Variants in PTPRA observed in about 807,000 individuals in gnomAD.
The protein encoded by PTPRA is receptor-type tyrosine-protein phosphatase alpha.
Under a neutral mutation model 104.8 loss-of-function variants are expected in PTPRA, and 25 were observed. That is an observed-to-expected ratio of 0.24 (90% confidence interval 0.17 to 0.33). The LOEUF is 0.33. Among genes scored for constraint, PTPRA ranks in the 10% least tolerant of loss-of-function variants. The probability of loss-of-function intolerance (pLI) is 1.00; values close to 1 mark genes in which losing one functional copy is unlikely to be tolerated. For synonymous variants in PTPRA, 323 were observed against 368.9 expected, an observed-to-expected ratio of 0.88 and a Z score of 1.43; for missense variants, 765 against 1,015.3, an observed-to-expected ratio of 0.75 and a Z score of 3.35.
In PTPRA at chr20:3,027,222, G is replaced by A; in HGVS notation, c.1785+25G>A. 3 of 1,604,496 alleles carry A rather than the reference G, an allele frequency of 1.9e-6. 1 individual carries two copies. In the South Asian group the frequency reaches 3.3e-5, roughly 18 times the overall value. ...TGTAAGTGGTGGGTGTGACCCCTGA[G>A]CCCCCAACACCCCGTGGAGATTCAG... On this transcript the variant is annotated intron_variant, in intron 19 of 23. Coordinates refer to ENST00000399903, the MANE Select transcript of PTPRA (RefSeq NM_001385305.1).
At position 3,027,152 on chromosome 20, in the gene PTPRA, G is replaced by A. The variant is rs550102749; in HGVS notation, c.1740G>A (p.Lys580=). ...YEFNRVIIPV[K]RGEENTDYVN... ...TCAACAGAGTGATCATTCCAGTTAA[G>A]CGGGGCGAAGAGAATACAGACTATG... is the stretch of plus-strand genomic sequence containing the variant. Residue 580 remains lysine (K), a synonymous_variant, in exon 19 of 24, where the codon AAG becomes AAA. Coordinates refer to ENST00000399903, the MANE Select transcript of PTPRA (RefSeq NM_001385305.1). The A allele has an allele frequency of 1.2e-6, 2 of 1,614,190 alleles. No homozygotes were observed. Among genetic ancestry groups the A allele is most frequent in the South Asian group, 2.2e-5 (2 of 91,086 alleles).
chr20:2,968,204 A>C (rs2062015717), intron 5 of PTPRA, among the ~76,000 whole-genome samples: 1 of 152,202 alleles, frequency 6.6e-6, no homozygotes. Context: ...AAATATCTTT[A>C]GGGCTGTGCA....
Position 2,950,336 on chromosome 20 carries a change from G to A in PTPRA, c.-7+2312G>A, listed in dbSNP as rs1323121563. Among the ~76,000 whole-genome samples the A allele has an allele frequency of 6.6e-6, 1 of 151,854 alleles. No homozygotes were observed. The highest frequency in any genetic ancestry group is 1.5e-5 in the Non-Finnish European group (1 of 67,980). ...TACTTCTGTAATTATTTCCACATTTGATTTATAATATTAACTTGTGGGCCA... is the reference window on the plus strand; with the variant it reads ...TACTTCTGTAATTATTTCCACATTTAATTTATAATATTAACTTGTGGGCCA... On this transcript the variant is annotated intron_variant, in intron 3 of 23. Transcript: ENST00000399903. This position sits in a 1 kb window ranked among gnomAD's most constrained non-coding sequence, Gnocchi z 4.0.
chr20:2,997,903 G>A (rs1476556449), intron 9 of PTPRA, among the ~76,000 whole-genome samples: 1 of 152,208 alleles, frequency 6.6e-6, no homozygotes, highest in East Asian at 1.9e-4. Context: ...GCCAATGCGG[G>A]AAGATTGAGG....
chr20:3,037,027 GT>G lies in PTPRA; in HGVS notation c.2199-126del. On this transcript the variant is annotated intron_variant, in intron 22 of 23. Coordinates refer to ENST00000399903, the MANE Select transcript of PTPRA (RefSeq NM_001385305.1). This position sits in a 1 kb window ranked among gnomAD's most constrained non-coding sequence, Gnocchi z 4.3. ...CCCGACCCAGAACCCCTCCAGGCTG[GT>G]GGGTCCACAGGGCAAAGGCGAGCAC... 6.8e-6 allele frequency: 9 copies of G among 1,326,942 alleles called. No homozygotes were observed. Among genetic ancestry groups the G allele is most frequent in the African/African-American group, 1.5e-5 (1 of 68,288 alleles). The allele number at this position is 1,326,942 out of a possible 1,614,324, so 82.2% of individuals were successfully genotyped here. A position where few individuals can be genotyped will look rare whatever the true frequency, so the allele number is the denominator to read the frequency against.
intron 2 of PTPRA, among the ~76,000 whole-genome samples, chr20:2,945,426 G>T (rs1475091242): frequency 1.3e-5 from 2 of 152,068 alleles, no homozygotes; most frequent in African/African-American, 4.8e-5. Flanking sequence ...TTGCTTTTAA[G>T]CAGGGCTGTA....
chr20:2,875,898 A>T lies in PTPRA; in HGVS notation c.-129+2138A>T, dbSNP rs9679857. On this transcript the variant is annotated intron_variant, in intron 1 of 23. Coordinates refer to ENST00000399903, the MANE Select transcript of PTPRA (RefSeq NM_001385305.1). ...CGGGGGGGCCTTCGGATCATGAAGG[A>T]TGCATAGGAGTTTGCGCGTGGTGGA... Among the ~76,000 whole-genome samples the T allele has an allele frequency of 9.5e-3, 1,453 of 152,198 alleles. 15 individuals carry two copies. Among genetic ancestry groups the T allele is most frequent in the African/African-American group, 0.033 (1,369 of 41,524 alleles).
intron 3 of PTPRA, among the ~76,000 whole-genome samples, chr20:2,957,567 A>C (rs937132446): frequency 2.0e-5 from 3 of 152,202 alleles, no homozygotes; most frequent in African/African-American, 7.2e-5. Flanking sequence ...GAAATTTTTC[A>C]TCTTCTTTGA....
intron 1 of PTPRA, among the ~76,000 whole-genome samples, chr20:2,915,324 C>A (rs1568651975): frequency 6.6e-6 from 1 of 152,118 alleles, no homozygotes; most frequent in African/African-American, 2.4e-5. Flanking sequence ...ATCTATTCAT[C>A]CAATAATGGG....
intron 2 of PTPRA, among the ~76,000 whole-genome samples, chr20:2,926,524 A>G (rs1441828854): frequency 1.3e-5 from 2 of 152,274 alleles, no homozygotes; most frequent in African/African-American, 2.4e-5. Flanking sequence ...ACTTGATCAT[A>G]TGCAAAAATC....
At chr20:2,885,576 A>G (rs1437890553) in intron 1 of PTPRA, among the ~76,000 whole-genome samples, 1 of 152,242 alleles carries the variant, frequency 6.6e-6, no homozygotes, top group African/African-American at 2.4e-5. Context: ...TACTAGGAAG[A>G]ACATATCATT....
At chr20:2,998,540 G>A (rs917902334) in intron 9 of PTPRA, among the ~76,000 whole-genome samples, 4 of 152,210 alleles carry the variant, frequency 2.6e-5, no homozygotes, top group African/African-American at 9.6e-5. Context: ...CAGAAAAGAT[G>A]CCCGCTGACA....
intron 1 of PTPRA, among the ~76,000 whole-genome samples, chr20:2,901,475 C>T (rs541004746): frequency 5.3e-5 from 8 of 152,200 alleles, no homozygotes; most frequent in African/African-American, 1.7e-4. Flanking sequence ...TTTATAGCTC[C>T]AGGGAAGGAG....
intron 1 of PTPRA, among the ~76,000 whole-genome samples, chr20:2,896,662 G>T (rs2059013322): frequency 2.0e-5 from 3 of 152,154 alleles, no homozygotes; most frequent in Admixed American, 6.5e-5. Flanking sequence ...ATAAAATCAG[G>T]AAATAAATAT....
intron 3 of PTPRA, chr20:2,955,567 C>G: frequency 4.3e-6 from 4 of 929,310 alleles, no homozygotes; most frequent in Non-Finnish European, 3.9e-6. Context: ...TTGCCTTTCT[C>G]AAGAGAAGAC....
At chr20:3,033,467 G>T (rs1261782046) in intron 20 of PTPRA, among the ~76,000 whole-genome samples, 1 of 151,944 alleles carries the variant, frequency 6.6e-6, no homozygotes, top group Non-Finnish European at 1.5e-5. Context: ...TGGGACTGTG[G>T]GCATGACTCA....
At chr20:2,931,956 G>A (rs75276984) in intron 2 of PTPRA, among the ~76,000 whole-genome samples, 1 of 152,150 alleles carries the variant, frequency 6.6e-6, no homozygotes, top group East Asian at 1.9e-4. Flanking sequence ...CTGACTGACC[G>A]ACTTGGAAAA....
chr20:2,928,723 G>C (rs745873625), intron 2 of PTPRA, among the ~76,000 whole-genome samples: 21 of 151,554 alleles, frequency 1.4e-4, no homozygotes, highest in Non-Finnish European at 2.9e-4. Context: ...AGCTTCCTGG[G>C]TTGTTCATAT....
intron 1 of PTPRA, among the ~76,000 whole-genome samples, chr20:2,874,747 C>G (rs2089603391): frequency 6.6e-6 from 1 of 152,200 alleles, no homozygotes; most frequent in African/African-American, 2.4e-5. Context: ...CCTCGCTTTT[C>G]TTTTTCCCAT....
Sources: gnomAD v4.1 joint callset for allele counts (sites outside exome capture counted in the v4.1 genomes callset) on GRCh38, gnomAD v4.1.1 for gene constraint, Gnocchi (gnomAD v3.1) non-coding constraint, MANE v1.5 for transcripts, NCBI Gene and HGNC (gene_info 2026-07-23, HGNC 2026-07-21) for gene names.